Variants in PCNX3 observed in about 807,000 individuals in gnomAD.
The protein encoded by PCNX3 is pecanex-like protein 3.
PCNX3 carries 58 observed loss-of-function variants against 207.2 expected under a neutral mutation model. The observed-to-expected ratio is 0.28, with a 90% CI of 0.23 to 0.35. The LOEUF (loss-of-function observed/expected upper bound fraction) is 0.35, where lower values mean the gene tolerates loss of function less well. Among genes scored for constraint, PCNX3 ranks in the 10% least tolerant of loss-of-function variants. PCNX3 has a pLI of 1.00. For missense variants in PCNX3, 2,410 were observed against 2,774.4 expected, an observed-to-expected ratio of 0.87 and a Z score of 2.95; for synonymous variants, 1,337 against 1,183.5, an observed-to-expected ratio of 1.13 and a Z score of -2.66.
chr11:65,629,523 C>G lies in PCNX3; in HGVS notation c.4004C>G (p.Ala1335Gly). The G allele has an allele frequency of 1.2e-6, 2 of 1,613,720 alleles. No individual in the cohort carries two copies. Among genetic ancestry groups the G allele is most frequent in the Non-Finnish European group, 1.7e-6 (2 of 1,179,800 alleles). Residue 1335 changes from alanine to glycine, a missense_variant, in exon 26 of 35, where the codon GCT becomes GGT. By Grantham distance (60) the Ala-to-Gly change is moderately conservative. Transcript: ENST00000355703. Reference sequence around the variant, plus strand: ...GCCCGTCTGTTCTGGGTCTTAGGCGCTGATGACAACAACCTCAACTCCATC... The same window carrying G: ...GCCCGTCTGTTCTGGGTCTTAGGCGGTGATGACAACAACCTCAACTCCATC... Reference protein sequence around the residue: ...LVTQLDRNPGADDNNLNSIFY... With the variant: ...LVTQLDRNPGGDDNNLNSIFY...
At position 65,619,042 on chromosome 11, in the gene PCNX3, G is replaced by A. The variant is rs780239990; in HGVS notation, c.1680G>A (p.Leu560=). The A allele has an allele frequency of 2.5e-6, 4 of 1,592,294 alleles. No homozygotes were observed. Among genetic ancestry groups the A allele is most frequent in the Non-Finnish European group, 2.5e-6 (3 of 1,177,228 alleles). The change falls in exon 6 of 35, where the codon CTG becomes CTA. Residue 560 remains leucine, a synonymous_variant. Transcript: ENST00000355703. ...AANQPGWRGE[L]QEEGAVGGAA... ...ACCAGCCCGGCTGGCGGGGGGAGCT[G>A]CAGGAGGAAGGTGCTGTGGGGGGAG...
intron 27 of PCNX3, among the ~76,000 whole-genome samples, chr11:65,633,587 A>T (rs2135478599): frequency 6.6e-6 from 1 of 152,252 alleles, no homozygotes; most frequent in Middle Eastern, 3.4e-3. Flanking sequence ...GCTCGGGGTT[A>T]TGTTTGTGCA....
In PCNX3 at chr11:65,620,372, G is replaced by C; in HGVS notation, c.2042G>C (p.Gly681Ala). The change falls in exon 9 of 35, where the codon GGA becomes GCA. Residue 681 changes from glycine (G) to alanine (A), a missense_variant. By Grantham distance (60) the Gly-to-Ala change is moderately conservative. Coordinates refer to ENST00000355703, the MANE Select transcript of PCNX3 (RefSeq NM_032223.4). ...VRRSYTFGLA[G>A]GGYENPVGQQ... The stretch of plus-strand genomic sequence containing the variant: ...CGTTCCTACACCTTTGGCCTGGCTG[G>C]AGGCGGCTACGAGAACCCTGTAGGG... The C allele has an allele frequency of 3.1e-6, 5 of 1,613,558 alleles. No individual in the cohort carries two copies. The highest frequency in any genetic ancestry group is 2.5e-6 in the Non-Finnish European group (3 of 1,179,822).
intron 11 of PCNX3, 28 bp downstream of exon 11, chr11:65,622,394 A>G (rs578239186): frequency 9.5e-6 from 15 of 1,579,496 alleles, no homozygotes; most frequent in South Asian, 8.1e-5. Flanking sequence ...TTGGCCCCCA[A>G]TTCTTGGAAA....
Position 65,615,953 on chromosome 11 carries a change from C to T in PCNX3, c.-359C>T, listed in dbSNP as rs1427011312. On this transcript the variant is annotated 5_prime_UTR_variant, in exon 1 of 35. Transcript: ENST00000355703. ...GAGACTAGGGAGCTGTCGCCTGCACCCCGGGAGCACCCACCCCACGACCAC... is the reference window on the plus strand; with the variant it reads ...GAGACTAGGGAGCTGTCGCCTGCACTCCGGGAGCACCCACCCCACGACCAC... The T allele has an allele frequency of 6.0e-6, 1 of 166,414 alleles. No homozygotes were observed. Among genetic ancestry groups the T allele is most frequent in the East Asian group, 1.7e-4 (1 of 5,978 alleles). 10.3% of individuals were successfully genotyped at this position (166,414 alleles called of 1,614,324 possible).
chr11:65,618,435 C>CGCT lies in PCNX3; in HGVS notation c.1076_1078dup (p.Leu359dup). ...GACGCCGGGGTCCCCTCAGATGACA[C>CGCT]GCTGCGTTCCTTTGACACGGTCATT... On this transcript the variant is annotated inframe_insertion, in exon 6 of 35. Transcript: ENST00000355703. 1 of 1,611,708 alleles carries CGCT rather than the reference C, an allele frequency of 6.2e-7. No individual in the cohort carries two copies. Among genetic ancestry groups the CGCT allele is most frequent in the Non-Finnish European group, 8.5e-7 (1 of 1,179,398 alleles).
chr11:65,622,158 C>T, intron 10 of PCNX3, 87 bp from the exon 11 acceptor site: 1 of 1,507,064 alleles, frequency 6.6e-7, no homozygotes, highest in Non-Finnish European at 8.9e-7. Flanking sequence ...TAACAGTAGA[C>T]CATGTGGGGG....
At position 65,635,933 on chromosome 11, in the gene PCNX3, C is replaced by T; in HGVS notation, c.5459+130C>T. The T allele has an allele frequency of 2.2e-6, 3 of 1,337,888 alleles. No individual in the cohort carries two copies. The highest frequency in any genetic ancestry group is 3.0e-6 in the Non-Finnish European group (3 of 999,302). 82.9% of individuals were successfully genotyped at this position (1,337,888 alleles called of 1,614,324 possible). The stretch of plus-strand genomic sequence containing the variant: ...CCCGAGAGATGACCCCCTCCCAGAG[C>T]TGACCTGCCCCTCCTAGATGTCACC... On this transcript the variant is annotated intron_variant, in intron 32 of 34. Coordinates refer to ENST00000355703, the MANE Select transcript of PCNX3 (RefSeq NM_032223.4). The surrounding 1 kb of genome is among the most constrained non-coding windows in gnomAD (Gnocchi z 9.9).
In PCNX3 at chr11:65,627,513, C is replaced by G; in HGVS notation, c.3633C>G (p.His1211Gln). 1 of 1,613,916 alleles carries G rather than the reference C, an allele frequency of 6.2e-7. No individual in the cohort carries two copies. The highest frequency in any genetic ancestry group is 1.1e-5 in the South Asian group (1 of 91,088). Residue 1211 changes from histidine to glutamine, a missense_variant, in exon 22 of 35, where the codon CAC becomes CAG. Transcript: ENST00000355703. Reference sequence around the variant, plus strand: ...TGGCCTTCACCGTCCTGCTCTTCCACTTTGACTACCCGCGCCTCTCCCAGG... The same window carrying G: ...TGGCCTTCACCGTCCTGCTCTTCCAGTTTGACTACCCGCGCCTCTCCCAGG... ...LTLAFTVLLF[H>Q]FDYPRLSQGF...
Position 65,628,641 on chromosome 11 carries a change from C to T in PCNX3, c.3749C>T (p.Ala1250Val). 6.2e-7 allele frequency: 1 copy of T among 1,613,642 alleles called. No homozygotes were observed. Among genetic ancestry groups the T allele is most frequent in the Non-Finnish European group, 8.5e-7 (1 of 1,179,876 alleles). ...YKLRFVLTYI[A>V]PWQITWGSAF... ...CTGCGTTTCGTGCTGACCTACATCG[C>T]GCCCTGGCAGATCACCTGGGGCTCG... is the stretch of plus-strand genomic sequence containing the variant. The change falls in exon 23 of 35, where the codon GCG becomes GTG. Residue 1250 changes from alanine to valine, a missense_variant. By Grantham distance (64) the Ala-to-Val change is moderately conservative. This residue lies in a region of PCNX3 where 420 missense variants were observed against 705.3 expected (regional missense o/e 0.60). Transcript: ENST00000355703.
chr11:65,630,747 C>A, intron 27 of PCNX3, 143 bp downstream of exon 27: 1 of 1,247,390 alleles, frequency 8.0e-7, no homozygotes. Flanking sequence ...TAAGTGTCCC[C>A]TGAGGTGCCA....
rs760989795 is a variant in PCNX3 at position 65,625,614 on chromosome 11, C to T, written c.3136-38C>T. 2.5e-6 allele frequency: 4 copies of T among 1,598,876 alleles called. No homozygotes were observed. In the South Asian group the frequency reaches 4.5e-5, roughly 18 times the overall value. ...GGCTGCTGGGCAGCTGAGTGTCTCT[C>T]CTGGCCGGGCAGCTGAATGTCTCTC... On this transcript the variant is annotated intron_variant, in intron 18 of 34. Transcript: ENST00000355703. This position sits in a 1 kb window ranked among gnomAD's most constrained non-coding sequence, Gnocchi z 5.6.
Position 65,634,303 on chromosome 11 carries a change from T to C in PCNX3, c.4648T>C (p.Phe1550Leu). ...LRLSGLSLPS[F>L]CAVHLEWIQY... The stretch of plus-strand genomic sequence containing the variant: ...CCTGTCTGGCCTCTCGCTGCCCTCC[T>C]TTTGTGCTGTGCACCTCGAGTGGAT... The change falls in exon 28 of 35, where the codon TTT (phenylalanine) becomes CTT (leucine). Residue 1550 changes from phenylalanine (F) to leucine (L), a missense_variant. Physicochemically the swap from Phe to Leu is conservative, Grantham distance 22. Transcript: ENST00000355703. 1 of 1,608,818 alleles carries C rather than the reference T, an allele frequency of 6.2e-7. No individual in the cohort carries two copies. Among genetic ancestry groups the C allele is most frequent in the Non-Finnish European group, 8.5e-7 (1 of 1,177,882 alleles).
intron 22 of PCNX3, 84 bp from the exon 23 acceptor site, chr11:65,628,511 A>T: frequency 7.5e-7 from 1 of 1,341,228 alleles, no homozygotes; most frequent in Non-Finnish European, 1.0e-6. Context: ...GCGATGACCC[A>T]AGCCTCTGAA....
intron 10 of PCNX3, 154 bp from the exon 11 acceptor site, chr11:65,622,091 C>T (rs1364704701): frequency 3.4e-5 from 30 of 887,402 alleles, no homozygotes; most frequent in South Asian, 5.2e-5. Flanking sequence ...GGCCGCTAGA[C>T]AGGGGCCTTT....
rs1271534410 is a variant in PCNX3 at position 65,628,974 on chromosome 11, T to A, written c.3941+26T>A. 9 of 1,608,332 alleles carry A rather than the reference T, an allele frequency of 5.6e-6. 1 individual carries two copies. In the South Asian group the frequency reaches 9.9e-5, roughly 18 times the overall value. On this transcript the variant is annotated intron_variant, in intron 24 of 34. Coordinates refer to ENST00000355703, the MANE Select transcript of PCNX3 (RefSeq NM_032223.4). Reference sequence around the variant, plus strand: ...GTGAGTCTCACAGGAGGCGGGAGCATGCCCAGCAGGGCAGGAAGGGAGAGG... The same window carrying A: ...GTGAGTCTCACAGGAGGCGGGAGCAAGCCCAGCAGGGCAGGAAGGGAGAGG...
chr11:65,634,843 T>C (rs573772094), intron 29 of PCNX3, 130 bp from the exon 30 acceptor site: 3 of 1,332,046 alleles, frequency 2.3e-6, no homozygotes, highest in African/African-American at 1.5e-5. Context: ...TGGGCAGAGA[T>C]TGGCCTCTTT....
chr11:65,628,707 T>G lies in PCNX3; in HGVS notation c.3811+4T>G. The G allele has an allele frequency of 7.9e-6, 12 of 1,522,580 alleles. No individual in the cohort carries two copies. Among genetic ancestry groups the G allele is most frequent in the Non-Finnish European group, 9.7e-6 (11 of 1,128,678 alleles). 94.3% of individuals were successfully genotyped at this position (1,522,580 alleles called of 1,614,324 possible). ...GCCCAGCCGTTTGCCGTGCCACGTA[T>G]CCAGCCTGTGTTTGGGTGGGGGTGT... On this transcript the variant is annotated splice_donor_region_variant and intron_variant, in intron 23 of 34. Transcript: ENST00000355703.
intron 8 of PCNX3, 53 bp from the exon 9 acceptor site, chr11:65,620,286 C>T: frequency 6.5e-7 from 1 of 1,547,274 alleles, no homozygotes; most frequent in East Asian, 2.3e-5. Context: ...GTGAGCCGGG[C>T]CTTGGTGCTT....
Sources: gnomAD v4.1 joint callset for allele counts (sites outside exome capture counted in the v4.1 genomes callset) on GRCh38, gnomAD v4.1.1 for gene constraint, gnomAD v4.1.1 regional missense constraint, Gnocchi (gnomAD v3.1) non-coding constraint, MANE v1.5 for transcripts, NCBI Gene and HGNC (gene_info 2026-07-23, HGNC 2026-07-21) for gene names.